Variants in RPS9 observed in about 807,000 individuals in gnomAD.
RPS9 encodes ribosomal protein S9.
In RPS9, 1 loss-of-function variant was observed where a neutral mutation model predicts 16.9. The ratio of observed to expected loss-of-function variants is 0.06; its 90% confidence interval spans 0.02 to 0.28. The LOEUF (loss-of-function observed/expected upper bound fraction) is 0.28. Ranked by LOEUF, RPS9 falls within the 10% of genes least tolerant of loss-of-function variation. The pLI, the probability that RPS9 is intolerant of heterozygous loss-of-function variation, is 1.00. For synonymous variants in RPS9, 106 were observed against 110.9 expected (o/e 0.96, Z 0.28); for missense variants, 137 against 273.2 (o/e 0.50, Z 3.51).
intron 3 of RPS9, chr19:54,201,842 AC>A: frequency 3.6e-6 from 3 of 838,818 alleles, no homozygotes; most frequent in Non-Finnish European, 5.3e-6. Flanking sequence ...TTTAGTAATG[AC>A]CAGAGCTAAA....
intron 3 of RPS9, chr19:54,201,935 C>T (rs1158713677): frequency 2.5e-5 from 8 of 322,704 alleles, no homozygotes; most frequent in Admixed American, 2.2e-4. Flanking sequence ...TGAGAGTAGA[C>T]TATGAAGTGG....
intron 3 of RPS9, chr19:54,202,851 T>A (rs2077107178): frequency 1.0e-6 from 1 of 985,308 alleles, no homozygotes; most frequent in South Asian, 4.7e-5. Context: ...TGTCCCAGGC[T>A]TGCAGATGTT....
intron 3 of RPS9, among the ~76,000 whole-genome samples, chr19:54,204,321 C>T (rs773556697): frequency 1.1e-4 from 17 of 152,188 alleles, no homozygotes; most frequent in Non-Finnish European, 1.5e-4. Flanking sequence ...GCCGAGATCA[C>T]GCCATTGCAC....
chr19:54,201,161 C>T lies in RPS9; in HGVS notation c.-24C>T, dbSNP rs767815590. 2.0e-5 allele frequency: 33 copies of T among 1,612,830 alleles called. No individual in the cohort carries two copies. The highest frequency in any genetic ancestry group is 1.9e-4 in the Middle Eastern group (1 of 5,196). ...CGCTCACACTTCTCTCCCGCGCAGG[C>T]GCAGACGGGGAAGCGGAGCCAACAT... On this transcript the variant is annotated splice_region_variant and 5_prime_UTR_variant, in exon 2 of 5. Coordinates refer to ENST00000302907, the MANE Select transcript of RPS9 (RefSeq NM_001013.4).
At chr19:54,204,192 C>G (rs34721685) in intron 3 of RPS9, among the ~76,000 whole-genome samples, 1 of 143,720 alleles carries the variant, frequency 7.0e-6, no homozygotes, top group Admixed American at 6.7e-5. Context: ...CTAGCCTGAC[C>G]AAAGTGGAGA....
At chr19:54,201,024 G>T in intron 1 of RPS9, 136 bp downstream of exon 1, 1 of 1,461,560 alleles carries the variant, frequency 6.8e-7, no homozygotes, top group Non-Finnish European at 9.0e-7. Context: ...ACGGTTGTGG[G>T]GGCAGATACT....
intron 3 of RPS9, chr19:54,202,899 T>G: frequency 3.0e-6 from 3 of 983,854 alleles, no homozygotes; most frequent in Non-Finnish European, 3.6e-6. Flanking sequence ...GATCTTGCAG[T>G]GTTGACCAGG....
At position 54,207,524 on chromosome 19, in the gene RPS9, C is replaced by G. The variant is rs769950782; in HGVS notation, c.534C>G (p.Ala178=). The G allele has an allele frequency of 2.5e-6, 4 of 1,612,720 alleles. No homozygotes were observed. Among genetic ancestry groups the G allele is most frequent in the Admixed American group, 1.7e-5 (1 of 60,014 alleles). ...CGGGCCGCGTGAAGAGGAAGAATGC[C>G]AAGAAGGGCCAGGGTGGGGCTGGGG... The part of the protein sequence containing the change: ...GRPGRVKRKN[A]KKGQGGAGAG... Residue 178 remains alanine, a synonymous_variant, in exon 5 of 5, where the codon GCC becomes GCG. Transcript: ENST00000302907.
chr19:54,203,002 C>T, intron 3 of RPS9: 2 of 983,010 alleles, frequency 2.0e-6, no homozygotes, highest in Non-Finnish European at 2.4e-6. Context: ...CTGACCCTTT[C>T]ATTCTTTTCG....
In RPS9 at chr19:54,201,125, T is replaced by C. The variant is rs1310172141; in HGVS notation, c.-25-35T>C. ...GTTGTGGGACTGCGCAGGCGCCGTT[T>C]GGATCCCTTACGCTCACACTTCTCT... On this transcript the variant is annotated intron_variant, in intron 1 of 4. Coordinates refer to ENST00000302907, the MANE Select transcript of RPS9 (RefSeq NM_001013.4). The C allele has an allele frequency of 7.4e-6, 12 of 1,611,026 alleles. No individual in the cohort carries two copies. In the East Asian group the frequency reaches 2.2e-4, roughly 30 times the overall value.
In RPS9 at chr19:54,206,139, A is replaced by G. The variant is rs1034716219; in HGVS notation, c.221-137A>G. 113 of 809,758 alleles carry G rather than the reference A, an allele frequency of 1.4e-4. No homozygotes were observed. In the Admixed American group the frequency reaches 2.6e-3, roughly 18 times the overall value. The allele number at this position is 809,758 out of a possible 1,614,324, so 50.2% of individuals were successfully genotyped here. On this transcript the variant is annotated intron_variant, in intron 3 of 4. Coordinates refer to ENST00000302907, the MANE Select transcript of RPS9 (RefSeq NM_001013.4). ...CCCGTAGGGTGGTTTTGACAGTGAC[A>G]TGGGTCACGGTGATGGCGCTGTACT...
At chr19:54,204,035 AG>A (rs1218189111) in intron 3 of RPS9, among the ~76,000 whole-genome samples, 1 of 152,150 alleles carries the variant, frequency 6.6e-6, no homozygotes, top group Non-Finnish European at 1.5e-5. Flanking sequence ...TCATACTTAA[AG>A]GTTTTGCCTG....
At chr19:54,203,531 G>A (rs1034833062) in intron 3 of RPS9, among the ~76,000 whole-genome samples, 2 of 152,080 alleles carry the variant, frequency 1.3e-5, no homozygotes, top group Non-Finnish European at 2.9e-5. Flanking sequence ...TTGGGAGACC[G>A]AGGTGGTCGG....
Position 54,205,496 on chromosome 19 carries a change from C to T in RPS9, c.221-780C>T, listed in dbSNP as rs1600764028. Among the ~76,000 whole-genome samples, 4 of 151,902 alleles carry T rather than the reference C, an allele frequency of 2.6e-5. No individual in the cohort carries two copies. In the South Asian group the frequency reaches 8.3e-4, roughly 32 times the overall value. ...AATTCTAGTGTTAGAAATTACTTTT[C>T]TCTCCTTAAAAGATGTAGATACTGC... On this transcript the variant is annotated intron_variant, in intron 3 of 4. Transcript: ENST00000302907.
chr19:54,203,803 A>C (rs1450181223), intron 3 of RPS9, among the ~76,000 whole-genome samples: 1 of 141,574 alleles, frequency 7.1e-6, no homozygotes, highest in Non-Finnish European at 1.5e-5. Context: ...ACTGTGAAGA[A>C]ATGTAGGAGT....
intron 3 of RPS9, chr19:54,203,313 A>G: frequency 1.0e-6 from 1 of 985,348 alleles, no homozygotes; most frequent in Non-Finnish European, 1.2e-6. Context: ...CATCTAGCCT[A>G]GTCAGGGACA....
intron 3 of RPS9, among the ~76,000 whole-genome samples, chr19:54,204,303 T>G (rs1454306025): frequency 6.6e-6 from 1 of 152,202 alleles, no homozygotes; most frequent in Non-Finnish European, 1.5e-5. Flanking sequence ...AGGCGGAGTT[T>G]GCAGTGAGCC....
intron 3 of RPS9, among the ~76,000 whole-genome samples, chr19:54,205,432 A>G (rs972321295): frequency 2.0e-5 from 3 of 151,514 alleles, no homozygotes; most frequent in African/African-American, 2.4e-5. Context: ...AAAATTTTGT[A>G]CAGAATAGTA....
chr19:54,206,696 C>G (rs1482409039), intron 4 of RPS9: 1 of 1,518,762 alleles, frequency 6.6e-7, no homozygotes, highest in Non-Finnish European at 8.8e-7. Flanking sequence ...TTGTGAAGGC[C>G]TCTGCCAGGC....
Sources: allele counts gnomAD v4.1 joint callset (sites outside exome capture counted in the v4.1 genomes callset), GRCh38; gene constraint gnomAD v4.1.1; transcripts MANE v1.5; gene names NCBI Gene and HGNC (gene_info 2026-07-23, HGNC 2026-07-21).